Variants in KLC1 observed in about 807,000 individuals in gnomAD.
The protein encoded by KLC1 is kinesin light chain 1.
In KLC1, 30 loss-of-function variants were observed where a neutral mutation model predicts 84.2. That is an observed-to-expected ratio of 0.36 (90% confidence interval 0.27 to 0.48). The LOEUF (loss-of-function observed/expected upper bound fraction) is 0.48, where lower values mean the gene tolerates loss of function less well. Ranked by LOEUF, KLC1 falls within the 20% of genes least tolerant of loss-of-function variation. The probability of loss-of-function intolerance (pLI) is 0.99; values close to 1 mark genes in which losing one functional copy is unlikely to be tolerated. For missense variants in KLC1, 499 were observed against 805.4 expected, an observed-to-expected ratio of 0.62 and a Z score of 4.60; for synonymous variants, 289 against 293.3, an observed-to-expected ratio of 0.99 and a Z score of 0.15.
chr14:103,690,759 C>T (rs766405838), intron 14 of KLC1, among the ~76,000 whole-genome samples: 4 of 152,204 alleles, frequency 2.6e-5, no homozygotes, highest in Non-Finnish European at 5.9e-5. Flanking sequence ...CAACGATAGT[C>T]ATTTTATGAC....
At chr14:103,642,395 A>G (rs2077560793) in intron 1 of KLC1, among the ~76,000 whole-genome samples, 1 of 152,188 alleles carries the variant, frequency 6.6e-6, no homozygotes, top group African/African-American at 2.4e-5. Flanking sequence ...TAACCTTGAT[A>G]GTTTTGAGAC....
At chr14:103,691,736 A>C (rs1201783632) in intron 14 of KLC1, among the ~76,000 whole-genome samples, 1 of 151,652 alleles carries the variant, frequency 6.6e-6, no homozygotes, top group Non-Finnish European at 1.5e-5. Context: ...CCCAAAGATT[A>C]CAGGTGTGAG....
chr14:103,698,888 C>A (rs1297588805), intron 15 of KLC1: 2 of 1,604,566 alleles, frequency 1.2e-6, no homozygotes, highest in Non-Finnish European at 1.7e-6. Flanking sequence ...GGGCAGAGAG[C>A]ACCCGCAGGG....
At chr14:103,699,400 G>A (rs1241414489) in intron 15 of KLC1, 7 of 1,611,856 alleles carry the variant, frequency 4.3e-6, no homozygotes, top group Non-Finnish European at 5.9e-6. Context: ...GGAAGGCACT[G>A]CTCAGCTCAC....
intron 11 of KLC1, 83 bp downstream of exon 11, chr14:103,675,839 C>T: frequency 8.9e-7 from 1 of 1,129,360 alleles, no homozygotes; most frequent in Non-Finnish European, 1.3e-6. Flanking sequence ...TTATAAATGA[C>T]CAATGTGTAG....
chr14:103,679,309 C>A (rs748301047), intron 12 of KLC1, 75 bp from the exon 13 acceptor site: 1 of 1,355,802 alleles, frequency 7.4e-7, no homozygotes, highest in Non-Finnish European at 1.0e-6. Flanking sequence ...TTTTTTCTAG[C>A]GAAGTATCTC....
intron 14 of KLC1, 64 bp downstream of exon 14, chr14:103,687,275 A>G (rs992967660): frequency 6.9e-7 from 1 of 1,448,860 alleles, no homozygotes. Flanking sequence ...TTCTCTTCCT[A>G]GCGCAGCCTT....
chr14:103,659,256 C>T (rs2079093280), intron 3 of KLC1, among the ~76,000 whole-genome samples: 2 of 152,176 alleles, frequency 1.3e-5, no homozygotes, highest in South Asian at 2.1e-4. Context: ...TGAGCCACCA[C>T]GACCGGCTTC....
intron 1 of KLC1, among the ~76,000 whole-genome samples, chr14:103,632,881 G>A (rs1475960742): frequency 6.6e-6 from 1 of 152,186 alleles, no homozygotes; most frequent in Admixed American, 6.6e-5. Context: ...GGGGGTCAGG[G>A]GTGGGATTGG....
chr14:103,701,262 G>A lies in KLC1; in HGVS notation c.*63G>A. 4.6e-6 allele frequency: 7 copies of A among 1,535,360 alleles called. No homozygotes were observed. The highest frequency in any genetic ancestry group is 3.6e-5 in the South Asian group (3 of 83,444). ...CGAGTGTGGCCCGGAGCTGGCCCGG[G>A]ACAGCCAGGGCGGCAGGGAGGGCCC... On this transcript the variant is annotated 3_prime_UTR_variant, in exon 17 of 17. Coordinates refer to ENST00000334553, the MANE Select transcript of KLC1 (RefSeq NM_001394837.1).
chr14:103,657,879 T>C, intron 3 of KLC1, 103 bp downstream of exon 3: 1 of 785,596 alleles, frequency 1.3e-6, no homozygotes. Context: ...TAGAACATAT[T>C]AGAACATTAG....
intron 15 of KLC1, chr14:103,699,506 A>G (rs763742114): frequency 1.2e-6 from 2 of 1,612,688 alleles, no homozygotes; most frequent in African/African-American, 1.3e-5. Flanking sequence ...CGAGTCGATG[A>G]CCACCAGGCG....
Position 103,694,953 on chromosome 14 carries a change from T to C in KLC1, c.1848+2528T>C. The stretch of plus-strand genomic sequence containing the variant: ...CAAGCTCCGTGTAGTCGCCAGCGGG[T>C]GCCTGGCCCAGGAGCTGCCCTGTGG... On this transcript the variant is annotated intron_variant, in intron 15 of 16. Coordinates refer to ENST00000334553, the MANE Select transcript of KLC1 (RefSeq NM_001394837.1). The surrounding 1 kb of genome is among the most constrained non-coding windows in gnomAD (Gnocchi z 4.5). 1 of 985,384 alleles carries C rather than the reference T, an allele frequency of 1.0e-6. No homozygotes were observed. The highest frequency in any genetic ancestry group is 1.2e-6 in the Non-Finnish European group (1 of 829,926). The allele number at this position is 985,384 out of a possible 1,614,324, so 61.0% of individuals were successfully genotyped here. A position where few individuals can be genotyped will look rare whatever the true frequency, so the allele number is the denominator to read the frequency against.
intron 1 of KLC1, among the ~76,000 whole-genome samples, chr14:103,652,853 T>G (rs192131333): frequency 1.3e-5 from 2 of 152,352 alleles, no homozygotes; most frequent in Admixed American, 1.3e-4. Flanking sequence ...GATTTCTGAA[T>G]AGTCTTACAG....
chr14:103,656,183 C>T (rs2078827468), intron 2 of KLC1, among the ~76,000 whole-genome samples: 1 of 152,166 alleles, frequency 6.6e-6, no homozygotes, highest in Admixed American at 6.5e-5. Context: ...GCAGTGCTTA[C>T]ATTGCATTGG....
intron 1 of KLC1, among the ~76,000 whole-genome samples, chr14:103,636,166 C>T (rs2077028701): frequency 6.6e-6 from 1 of 152,130 alleles, no homozygotes; most frequent in Non-Finnish European, 1.5e-5. Flanking sequence ...CCTCGCCCTC[C>T]CCCGGTAACC....
At chr14:103,631,955 T>A (rs1394001845) in intron 1 of KLC1, among the ~76,000 whole-genome samples, 1 of 151,726 alleles carries the variant, frequency 6.6e-6, no homozygotes, top group Non-Finnish European at 1.5e-5. Flanking sequence ...AAGACGAGAG[T>A]ATTTGGGAAG....
chr14:103,695,298 C>CA (rs1010847616), intron 15 of KLC1: 96 of 696,308 alleles, frequency 1.4e-4, no homozygotes, highest in Middle Eastern at 7.3e-4. Flanking sequence ...CTGTGTCTAG[C>CA]AAAAAAAACC....
intron 1 of KLC1, among the ~76,000 whole-genome samples, chr14:103,644,823 CT>C: frequency 6.6e-6 from 1 of 152,286 alleles, no homozygotes; most frequent in Middle Eastern, 3.4e-3. Flanking sequence ...GGGTCAAGTT[CT>C]ACCTTTAGAA....
Sources: gnomAD v4.1 joint callset for allele counts (sites outside exome capture counted in the v4.1 genomes callset) on GRCh38, gnomAD v4.1.1 for gene constraint, Gnocchi (gnomAD v3.1) non-coding constraint, MANE v1.5 for transcripts, NCBI Gene and HGNC (gene_info 2026-07-23, HGNC 2026-07-21) for gene names.